PLA2G2C: variants seen among roughly 807,000 people sequenced by gnomAD.
PLA2G2C encodes putative inactive group IIC secretory phospholipase A2.
Under a neutral mutation model 14.3 loss-of-function variants are expected in PLA2G2C, and 15 were observed. That is an observed-to-expected ratio of 1.05 (90% CI 0.70 to 1.62). PLA2G2C has a LOEUF of 1.62. PLA2G2C is among the 40% of genes most tolerant of loss of function. The probability of loss-of-function intolerance (pLI) is 0.00; values close to 1 mark genes in which losing one functional copy is unlikely to be tolerated. For synonymous variants in PLA2G2C, 79 were observed against 67.7 expected, an observed-to-expected ratio of 1.17 and a Z score of -0.82; for missense variants, 162 against 173.2, an observed-to-expected ratio of 0.94 and a Z score of 0.36.
At chr1:20,185,070 A>G (rs2018343896) in intron 1 of PLA2G2C, among the ~76,000 whole-genome samples, 1 of 152,164 alleles carries the variant, frequency 6.6e-6, no homozygotes, top group Non-Finnish European at 1.5e-5. Context: ...GGGGAGGTCC[A>G]GGCTGCAGTG....
At chr1:20,182,158 C>T (rs1302334112) in intron 1 of PLA2G2C, among the ~76,000 whole-genome samples, 1 of 152,122 alleles carries the variant, frequency 6.6e-6, no homozygotes, top group Admixed American at 6.5e-5. Flanking sequence ...TCCAACAATA[C>T]GGGGAAAATA....
In PLA2G2C at chr1:20,177,365, C is replaced by T. The variant is rs564979140; in HGVS notation, c.-2G>A. 10 of 698,476 alleles carry T rather than the reference C, an allele frequency of 1.4e-5. No homozygotes were observed. The highest frequency in any genetic ancestry group is 1.2e-4 in the Admixed American group (6 of 49,380). The allele number at this position is 698,476 out of a possible 1,614,324, so 43.3% of individuals were successfully genotyped here. A position where few individuals can be genotyped will look rare whatever the true frequency, so the allele number is the denominator to read the frequency against. On this transcript the variant is annotated 5_prime_UTR_variant, in exon 2 of 5. Coordinates refer to ENST00000679259, the MANE Select transcript of PLA2G2C (RefSeq NM_001367969.2). ...GGTGAGGATGGCAATGACCTTCATT[C>T]CTGAGGAGACCAGGGGGTCTGAGGT...
chr1:20,163,857 G>A lies in PLA2G2C; in HGVS notation c.*134C>T. Reference sequence around the variant, plus strand: ...CCTTGGTCAGAATGCTGAAGGGTGAGCTGCCCTGCGGGAGACATTTTGTCC... The same window carrying A: ...CCTTGGTCAGAATGCTGAAGGGTGAACTGCCCTGCGGGAGACATTTTGTCC... On this transcript the variant is annotated 3_prime_UTR_variant, in exon 5 of 5. Transcript: ENST00000679259. 9.9e-7 allele frequency: 1 copy of A among 1,007,004 alleles called. No homozygotes were observed. The highest frequency in any genetic ancestry group is 1.4e-6 in the Non-Finnish European group (1 of 706,710). 62.4% of individuals were successfully genotyped at this position (1,007,004 alleles called of 1,614,324 possible).
At chr1:20,165,736 GT>G (rs1225882873) in intron 4 of PLA2G2C, among the ~76,000 whole-genome samples, 1 of 151,918 alleles carries the variant, frequency 6.6e-6, no homozygotes, top group Non-Finnish European at 1.5e-5. Context: ...ATGCTTGTGT[GT>G]GCAGGTATGT....
chr1:20,179,280 C>CTGTG (rs377415961), intron 1 of PLA2G2C, among the ~76,000 whole-genome samples: 1 of 149,582 alleles, frequency 6.7e-6, no homozygotes. Context: ...ATGTCAGTTT[C>CTGTG]TGTGTGTGTG....
chr1:20,165,783 T>C (rs1439452997), intron 4 of PLA2G2C, among the ~76,000 whole-genome samples: 1 of 151,946 alleles, frequency 6.6e-6, no homozygotes, highest in African/African-American at 2.4e-5. Flanking sequence ...TGCGTGCGCA[T>C]GTGTGTGCGT....
intron 4 of PLA2G2C, among the ~76,000 whole-genome samples, chr1:20,170,017 C>A (rs2100714977): frequency 6.6e-6 from 1 of 152,324 alleles, no homozygotes; most frequent in South Asian, 2.1e-4. Context: ...GACAGGGCAC[C>A]CGGGGTTTGA....
At chr1:20,168,157 A>G (rs2018008060) in intron 4 of PLA2G2C, among the ~76,000 whole-genome samples, 1 of 152,200 alleles carries the variant, frequency 6.6e-6, no homozygotes. Context: ...CTTGGGCCAA[A>G]TATGCTGCTT....
rs113278556 is a variant in PLA2G2C, at chr1:20,163,578, A to G, written c.*413T>C. Reference sequence around the variant, plus strand: ...TGTGTCCCGGTTTGCAGTGGGGGTGAAGAGAGAGTTTGGGGTAGATCCTGG... The same window carrying G: ...TGTGTCCCGGTTTGCAGTGGGGGTGGAGAGAGAGTTTGGGGTAGATCCTGG... On this transcript the variant is annotated 3_prime_UTR_variant, in exon 5 of 5. Coordinates refer to ENST00000679259, the MANE Select transcript of PLA2G2C (RefSeq NM_001367969.2). 219 of 156,942 alleles carry G rather than the reference A, an allele frequency of 1.4e-3. 2 individuals carry two copies. Among genetic ancestry groups the G allele is most frequent in the African/African-American group, 4.8e-3 (199 of 41,674 alleles). 9.7% of individuals were successfully genotyped at this position (156,942 alleles called of 1,614,324 possible).
intron 4 of PLA2G2C, among the ~76,000 whole-genome samples, chr1:20,169,070 C>T (rs1399338863): frequency 6.6e-6 from 1 of 152,192 alleles, no homozygotes; most frequent in Admixed American, 6.5e-5. Context: ...TGGGACCAGG[C>T]CTGGGTGCAG....
chr1:20,182,471 G>A (rs1180792798), intron 1 of PLA2G2C, among the ~76,000 whole-genome samples: 2 of 152,192 alleles, frequency 1.3e-5, no homozygotes, highest in African/African-American at 2.4e-5. Context: ...GTGTGTAGCA[G>A]GCTAGACCAT....
intron 1 of PLA2G2C, among the ~76,000 whole-genome samples, chr1:20,181,055 C>G (rs1456709698): frequency 1.3e-5 from 2 of 152,200 alleles, no homozygotes; most frequent in Non-Finnish European, 2.9e-5. Context: ...TAATACTACC[C>G]ACGATGATGG....
At chr1:20,169,849 G>A (rs1005066167) in intron 4 of PLA2G2C, among the ~76,000 whole-genome samples, 31 of 152,180 alleles carry the variant, frequency 2.0e-4, no homozygotes, top group African/African-American at 6.8e-4. Context: ...ACAAAGCTCC[G>A]GGGCCTTACA....
intron 1 of PLA2G2C, among the ~76,000 whole-genome samples, chr1:20,183,593 C>T (rs2018311503): frequency 6.6e-6 from 1 of 152,166 alleles, no homozygotes; most frequent in South Asian, 2.1e-4. Context: ...TGCACAGCAC[C>T]ATCTTGGGCA....
chr1:20,175,507 C>T (rs1335903450), intron 2 of PLA2G2C, among the ~76,000 whole-genome samples: 2 of 152,168 alleles, frequency 1.3e-5, no homozygotes, highest in African/African-American at 2.4e-5. Context: ...AAGCCAGAAA[C>T]GCCAGTCCCT....
intron 1 of PLA2G2C, chr1:20,184,191 G>GCACACGCA (rs1553184770): frequency 1.0e-5 from 1 of 95,414 alleles, no homozygotes; most frequent in East Asian, 3.2e-4. Flanking sequence ...GCGTGCGTGC[G>GCACACGCA]CACACGCACA....
chr1:20,171,923 G>A (rs1043173350), intron 4 of PLA2G2C, among the ~76,000 whole-genome samples: 9 of 151,324 alleles, frequency 5.9e-5, no homozygotes, highest in South Asian at 2.1e-4. Context: ...CATCACGCCC[G>A]GCTAATTTTT....
rs1439284695 is a variant in PLA2G2C at position 20,174,939 on chromosome 1, T to C, written c.179+68A>G. The stretch of plus-strand genomic sequence containing the variant: ...GCCAGGCAAGAATCCTAACACCCTC[T>C]CTCTGGCTTTGAGCATGAACTTTAA... On this transcript the variant is annotated intron_variant, in intron 3 of 4. Transcript: ENST00000679259. 5 of 1,439,282 alleles carry C rather than the reference T, an allele frequency of 3.5e-6. No homozygotes were observed. The African/African-American group carries it at 7.2e-5, about 21-fold the overall frequency. 89.2% of individuals were successfully genotyped at this position (1,439,282 alleles called of 1,614,324 possible).
intron 1 of PLA2G2C, 67 bp from the exon 2 acceptor site, chr1:20,177,506 C>G (rs933282623): frequency 3.3e-5 from 18 of 542,424 alleles, no homozygotes; most frequent in African/African-American, 3.3e-4. Flanking sequence ...ATTGTAGTGC[C>G]TTGGAAAGAC....
Sources: allele counts gnomAD v4.1 joint callset (sites outside exome capture counted in the v4.1 genomes callset), GRCh38; gene constraint gnomAD v4.1.1; transcripts MANE v1.5; gene names NCBI Gene and HGNC (gene_info 2026-07-23, HGNC 2026-07-21).